Variants in PRKDC observed in about 807,000 individuals in gnomAD.
PRKDC encodes protein kinase, DNA-activated, catalytic subunit.
Under a neutral mutation model 486.9 loss-of-function variants are expected in PRKDC, and 82 were observed. The ratio of observed to expected loss-of-function variants is 0.17; its 90% confidence interval spans 0.14 to 0.20. PRKDC has a LOEUF of 0.20. Ranked by LOEUF, PRKDC falls within the 10% of genes least tolerant of loss-of-function variation. The pLI, the probability that PRKDC is intolerant of heterozygous loss-of-function variation, is 1.00. For synonymous variants in PRKDC, 1,895 were observed against 1,837.0 expected (o/e 1.03, Z -0.81); for missense variants, 4,504 against 5,038.2 (o/e 0.89, Z 3.21).
Position 47,821,724 on chromosome 8 carries a change from T to A in PRKDC, c.8991A>T (p.Ala2997=). Residue 2997 remains alanine (A), a synonymous_variant, in exon 65 of 86, where the codon GCA becomes GCT. Transcript: ENST00000314191. ...CAAGGTGGTTGTAACAGTCAAGGGA[T>A]GCAAGTTCCCAAAAATCCTTCTCGG... The part of the protein sequence containing the change: ...TEAEKDFWEL[A]SLDCYNHLAE... The A allele has an allele frequency of 6.3e-7, 1 of 1,599,944 alleles. No homozygotes were observed. The highest frequency in any genetic ancestry group is 8.5e-7 in the Non-Finnish European group (1 of 1,173,050).
intron 21 of PRKDC, among the ~76,000 whole-genome samples, chr8:47,919,239 C>G (rs1369280622): frequency 2.0e-5 from 3 of 152,162 alleles, no homozygotes; most frequent in East Asian, 1.9e-4. Flanking sequence ...TCTTTAGTCT[C>G]TTTTAGACTG....
chr8:47,951,021 AG>A (rs1173987326), intron 7 of PRKDC, among the ~76,000 whole-genome samples: 1 of 152,232 alleles, frequency 6.6e-6, no homozygotes, highest in Non-Finnish European at 1.5e-5. Flanking sequence ...TAGCAAAACA[AG>A]GGATTTTTGT....
chr8:47,927,367 C>T lies in PRKDC; in HGVS notation c.2260-14G>A. On this transcript the variant is annotated splice_polypyrimidine_tract_variant and intron_variant, in intron 20 of 85. Coordinates refer to ENST00000314191, the MANE Select transcript of PRKDC (RefSeq NM_006904.7). ...TTTGAAAGCCATCTGTATGTTAATA[C>T]AAACAAGTTAAACTGAAACGCAGGA... is the stretch of plus-strand genomic sequence containing the variant. 6.3e-7 allele frequency: 1 copy of T among 1,594,266 alleles called. No individual in the cohort carries two copies. Among genetic ancestry groups the T allele is most frequent in the African/African-American group, 1.4e-5 (1 of 73,872 alleles).
chr8:47,853,496 G>A (rs889033643), intron 51 of PRKDC, among the ~76,000 whole-genome samples: 2 of 152,152 alleles, frequency 1.3e-5, no homozygotes, highest in African/African-American at 4.8e-5. Flanking sequence ...GGACAAAGAT[G>A]TCCTGCTCCT....
At position 47,933,166 on chromosome 8, in the gene PRKDC, T is replaced by A; in HGVS notation, c.1630A>T (p.Ile544Phe). The change falls in exon 16 of 86, where the codon ATT (isoleucine) becomes TTT (phenylalanine). Residue 544 changes from isoleucine to phenylalanine, a missense_variant. Transcript: ENST00000314191. ...GAGAAAAATGCTTCATCTGCTAAAA[T>A]AGAATCCTTTAAATAAAGAAAAACA... ...LLSSDQMMDS[I>F]LADEAFFSVN... 2 of 1,507,588 alleles carry A rather than the reference T, an allele frequency of 1.3e-6. No homozygotes were observed. Among genetic ancestry groups the A allele is most frequent in the Non-Finnish European group, 1.8e-6 (2 of 1,130,372 alleles). The allele number at this position is 1,507,588 out of a possible 1,614,324, so 93.4% of individuals were successfully genotyped here. A position where few individuals can be genotyped will look rare whatever the true frequency, so the allele number is the denominator to read the frequency against.
chr8:47,823,723 TTCC>T, intron 64 of PRKDC, 132 bp downstream of exon 64: 1 of 1,027,360 alleles, frequency 9.7e-7, no homozygotes, highest in Non-Finnish European at 1.4e-6. Context: ...ACCAATTTTC[TTCC>T]TCATCAACAT....
At chr8:47,895,563 A>G (rs2089559050) in intron 30 of PRKDC, among the ~76,000 whole-genome samples, 1 of 152,208 alleles carries the variant, frequency 6.6e-6, no homozygotes, top group African/African-American at 2.4e-5. Flanking sequence ...GTCTGCCCAT[A>G]AGCAGCTCTA....
intron 68 of PRKDC, among the ~76,000 whole-genome samples, chr8:47,816,128 C>T (rs906589484): frequency 2.6e-5 from 4 of 152,012 alleles, no homozygotes; most frequent in African/African-American, 4.8e-5. Context: ...GCAGGAGAAT[C>T]GCTTGAACCT....
At chr8:47,934,830 G>A (rs1009177825) in intron 14 of PRKDC, among the ~76,000 whole-genome samples, 179 bp downstream of exon 14, 4 of 152,134 alleles carry the variant, frequency 2.6e-5, no homozygotes, top group Non-Finnish European at 5.9e-5. Flanking sequence ...TACCTTAGAA[G>A]TGTATTCACC....
rs757271960 is a variant in PRKDC, at chr8:47,927,325, G to T, written c.2288C>A (p.Thr763Asn). 5.6e-6 allele frequency: 9 copies of T among 1,613,304 alleles called. No individual in the cohort carries two copies. Among genetic ancestry groups the T allele is most frequent in the Non-Finnish European group, 7.6e-6 (9 of 1,179,650 alleles). The change falls in exon 21 of 86, where the codon ACC (threonine) becomes AAC (asparagine). Residue 763 changes from threonine to asparagine, a missense_variant. Coordinates refer to ENST00000314191, the MANE Select transcript of PRKDC (RefSeq NM_006904.7). ...ATTCAGGCCTACTTCTGCCAAGGGG[G>T]TATAGCTCAGGCCCAGTTTGAAAGC... ...QMAFKLGLSY[T>N]PLAEVGLNAL...
At chr8:47,881,803 T>A (rs1407212275) in intron 37 of PRKDC, 109 bp downstream of exon 37, 3 of 990,986 alleles carry the variant, frequency 3.0e-6, no homozygotes, top group Non-Finnish European at 4.3e-6. Context: ...AAATATTTTC[T>A]TATTTGTCAA....
Position 47,957,396 on chromosome 8 carries a change from C to T in PRKDC, c.190G>A (p.Gly64Ser), listed in dbSNP as rs2090722096. ...GACTTCCGGACAAATACAAGCAAAC[C>T]GAAATCTCTGGAAAAAACTAAAGAT... ...QTSLVFSRDFGLLVFVRKSLN... is the reference protein window; with the variant it reads ...QTSLVFSRDFSLLVFVRKSLN... The change falls in exon 2 of 86, where the codon GGT becomes AGT. Residue 64 changes from glycine to serine, a missense_variant. Gly to Ser is a moderately conservative substitution (Grantham distance 56). Transcript: ENST00000314191. 1.3e-6 allele frequency: 2 copies of T among 1,594,484 alleles called. No homozygotes were observed. The highest frequency in any genetic ancestry group is 1.7e-6 in the Non-Finnish European group (2 of 1,169,866).
Position 47,782,465 on chromosome 8 carries a change from A to G in PRKDC, c.11309T>C (p.Val3770Ala), listed in dbSNP as rs751674226. The part of the protein sequence containing the change: ...QDQRVEQLFQ[V>A]MNGILAQDSA... The stretch of plus-strand genomic sequence containing the variant: ...GTCTTGGGCCAGGATCCCATTCATG[A>G]CCTGGAAGAGCTGCTCCACGCGCTG... The change falls in exon 79 of 86, where the codon GTC becomes GCC. Residue 3770 changes from valine to alanine, a missense_variant. By Grantham distance (64) the Val-to-Ala change is moderately conservative. Coordinates refer to ENST00000314191, the MANE Select transcript of PRKDC (RefSeq NM_006904.7). The surrounding 1 kb of genome is among the most constrained non-coding windows in gnomAD (Gnocchi z 4.9). The G allele has an allele frequency of 6.3e-7, 1 of 1,590,626 alleles. No homozygotes were observed. Among genetic ancestry groups the G allele is most frequent in the Non-Finnish European group, 8.6e-7 (1 of 1,169,226 alleles).
In PRKDC at chr8:47,893,432, T is replaced by G. The variant is rs183439214; in HGVS notation, c.3599-45A>C. ...TAAAATGCACACATATACCTACATT[T>G]CTTTAATCTAATCTTTGTACCTAAA... On this transcript the variant is annotated intron_variant, in intron 30 of 85. Transcript: ENST00000314191. 7 of 1,402,868 alleles carry G rather than the reference T, an allele frequency of 5.0e-6. No individual in the cohort carries two copies. The East Asian group carries it at 1.5e-4, about 31-fold the overall frequency. The allele number at this position is 1,402,868 out of a possible 1,614,324, so 86.9% of individuals were successfully genotyped here.
At chr8:47,837,127 A>G in intron 57 of PRKDC, 85 bp downstream of exon 57, 1 of 1,356,002 alleles carries the variant, frequency 7.4e-7, no homozygotes. Flanking sequence ...CTGAGAAGGC[A>G]AAGAGCCAGT....
At chr8:47,939,899 A>G in intron 10 of PRKDC, 1 of 324,988 alleles carries the variant, frequency 3.1e-6, no homozygotes, top group Non-Finnish European at 5.5e-6. Context: ...AGGCTATGTG[A>G]TACATTTTTC....
In PRKDC at chr8:47,955,886, G is replaced by A. The variant is rs1410187638; in HGVS notation, c.387C>T (p.Asp129=). The change falls in exon 4 of 86, where the codon GAC becomes GAT. Residue 129 remains aspartate (D), a synonymous_variant. Transcript: ENST00000314191. The stretch of plus-strand genomic sequence containing the variant: ...GAAACATAATTACCTTAATAAGAAG[G>A]TCCAGGGCTGGAATTTTACATTTAG... ...RAAKCKIPAL[D]LLIKLLQTFR... 1.3e-6 allele frequency: 2 copies of A among 1,597,956 alleles called. No individual in the cohort carries two copies. Among genetic ancestry groups the A allele is most frequent in the South Asian group, 1.1e-5 (1 of 89,398 alleles).
At chr8:47,780,009 G>A (rs1260563035) in intron 80 of PRKDC, among the ~76,000 whole-genome samples, 1 of 151,084 alleles carries the variant, frequency 6.6e-6, no homozygotes, top group African/African-American at 2.4e-5. Context: ...CTACCTCCTG[G>A]GTTCAAGCAA....
At chr8:47,955,150 T>C (rs1438591546) in intron 4 of PRKDC, among the ~76,000 whole-genome samples, 3 of 146,606 alleles carry the variant, frequency 2.0e-5, no homozygotes, top group African/African-American at 7.6e-5. Context: ...CAAGACTCTG[T>C]CTCAAAAAAA....
Sources: gnomAD v4.1 joint callset for allele counts (sites outside exome capture counted in the v4.1 genomes callset) on GRCh38, gnomAD v4.1.1 for gene constraint, Gnocchi (gnomAD v3.1) non-coding constraint, MANE v1.5 for transcripts, NCBI Gene and HGNC (gene_info 2026-07-23, HGNC 2026-07-21) for gene names.